The following CRPPA variants were observed in gnomAD, a reference collection of about 807,000 sequenced individuals.
CRPPA encodes CDP-L-ribitol pyrophosphorylase A, also known as D-ribitol-5-phosphate cytidylyltransferase.
A neutral mutation model predicts 52.0 loss-of-function variants in CRPPA; 43 were observed. That is an observed-to-expected ratio of 0.83 (90% CI 0.65 to 1.07). The LOEUF is 1.07. CRPPA is among the 50% of genes least tolerant of loss of function. The pLI is 0.00. For missense variants in CRPPA, 629 were observed against 551.7 expected, an observed-to-expected ratio of 1.14 and a Z score of -1.40; for synonymous variants, 250 against 203.5, an observed-to-expected ratio of 1.23 and a Z score of -1.94.
At chr7:16,245,328 T>C (rs998327340) in intron 8 of CRPPA, among the ~76,000 whole-genome samples, 3 of 152,246 alleles carry the variant, frequency 2.0e-5, no homozygotes, top group Admixed American at 6.5e-5. Context: ...ATATTTTCCA[T>C]ACATCTATTA....
intron 3 of CRPPA, among the ~76,000 whole-genome samples, chr7:16,333,884 C>G (rs1163020157): frequency 6.6e-6 from 1 of 152,118 alleles, no homozygotes; most frequent in Non-Finnish European, 1.5e-5. Flanking sequence ...ACTATACTAC[C>G]ACTGCCCCAA....
At chr7:16,214,998 T>C (rs1297613753) in intron 9 of CRPPA, among the ~76,000 whole-genome samples, 1 of 152,214 alleles carries the variant, frequency 6.6e-6, no homozygotes, top group African/African-American at 2.4e-5. Flanking sequence ...ACTGAGGTCA[T>C]GCTTGCATAT....
intron 9 of CRPPA, among the ~76,000 whole-genome samples, chr7:16,112,102 C>T (rs1429754657): frequency 6.6e-6 from 1 of 152,042 alleles, no homozygotes; most frequent in Admixed American, 6.6e-5. Flanking sequence ...ATTGCCTGAG[C>T]TCAGGGGTTT....
In CRPPA at chr7:16,362,809, G is replaced by T. The variant is rs372422850; in HGVS notation, c.684+13283C>A. 7.9e-5 allele frequency among the ~76,000 whole-genome samples: 12 copies of T among 152,186 alleles called. No homozygotes were observed. In the East Asian group the frequency reaches 2.3e-3, roughly 29 times the overall value. ...AAAGAATGATCTGCGCATTTAACTC[G>T]AGATATATTTATTTTACTCTTCCTT... is the stretch of plus-strand genomic sequence containing the variant. On this transcript the variant is annotated intron_variant, in intron 3 of 9. Coordinates refer to ENST00000407010, the MANE Select transcript of CRPPA (RefSeq NM_001101426.4).
intron 5 of CRPPA, among the ~76,000 whole-genome samples, chr7:16,286,898 T>C (rs1179289678): frequency 6.6e-6 from 1 of 152,130 alleles, no homozygotes; most frequent in African/African-American, 2.4e-5. Flanking sequence ...AAGAAATCTA[T>C]ATGTAATACA....
At chr7:16,389,685 T>C (rs1024517152) in intron 2 of CRPPA, among the ~76,000 whole-genome samples, 2 of 151,706 alleles carry the variant, frequency 1.3e-5, no homozygotes, top group Non-Finnish European at 2.9e-5. Flanking sequence ...CCCTTTATGA[T>C]CAAGAGTAAG....
chr7:16,147,144 C>T (rs573059451), intron 9 of CRPPA, among the ~76,000 whole-genome samples: 3 of 152,260 alleles, frequency 2.0e-5, no homozygotes, highest in Admixed American at 2.0e-4. Context: ...TCTTCCTTTG[C>T]CTTCCACTAT....
intron 9 of CRPPA, among the ~76,000 whole-genome samples, chr7:16,098,512 T>C (rs375404464): frequency 5.1e-4 from 78 of 152,280 alleles, no homozygotes; most frequent in African/African-American, 1.8e-3. Context: ...TTGGAGAACT[T>C]ATGCAAAAAT....
chr7:16,333,580 C>T (rs1785608576), intron 3 of CRPPA, among the ~76,000 whole-genome samples: 1 of 152,078 alleles, frequency 6.6e-6, no homozygotes, highest in Admixed American at 6.5e-5. Context: ...AAATTAAATG[C>T]ATGTATTAGA....
chr7:16,250,939 TAA>T (rs760368501), intron 8 of CRPPA, among the ~76,000 whole-genome samples: 1 of 151,806 alleles, frequency 6.6e-6, no homozygotes, highest in Non-Finnish European at 1.5e-5. Flanking sequence ...GCAAATTGGA[TAA>T]ACAGTCAAGA....
intron 3 of CRPPA, among the ~76,000 whole-genome samples, chr7:16,324,236 T>C (rs1304398335): frequency 1.3e-5 from 2 of 152,204 alleles, no homozygotes; most frequent in African/African-American, 4.8e-5. Flanking sequence ...AGCTAAGATG[T>C]GGTCCCCTAG....
At chr7:16,398,963 A>G (rs1464822417) in intron 2 of CRPPA, among the ~76,000 whole-genome samples, 1 of 152,238 alleles carries the variant, frequency 6.6e-6, no homozygotes, top group Non-Finnish European at 1.5e-5. Flanking sequence ...TCAACACGTG[A>G]CACCTGACCA....
chr7:16,196,810 C>G (rs1781746339), intron 9 of CRPPA, among the ~76,000 whole-genome samples: 1 of 152,020 alleles, frequency 6.6e-6, no homozygotes, highest in Non-Finnish European at 1.5e-5. Flanking sequence ...TTCATTTTTC[C>G]CTAAATAACC....
At chr7:16,126,315 T>C (rs1782580316) in intron 9 of CRPPA, among the ~76,000 whole-genome samples, 1 of 152,162 alleles carries the variant, frequency 6.6e-6, no homozygotes. Flanking sequence ...CTTAGGTTTC[T>C]GGGAAATCCT....
At chr7:16,232,572 A>C (rs959277394) in intron 8 of CRPPA, among the ~76,000 whole-genome samples, 3 of 152,074 alleles carry the variant, frequency 2.0e-5, no homozygotes, top group Non-Finnish European at 4.4e-5. Context: ...TGTTATTCTA[A>C]CACCAGAAAA....
chr7:16,217,036 T>C (rs1782344831), intron 8 of CRPPA, among the ~76,000 whole-genome samples: 1 of 151,504 alleles, frequency 6.6e-6, no homozygotes, highest in Non-Finnish European at 1.5e-5. Context: ...GACTTAAATG[T>C]CCCTGTCTGA....
intron 8 of CRPPA, among the ~76,000 whole-genome samples, chr7:16,224,510 G>A (rs532574658): frequency 2.6e-5 from 4 of 152,190 alleles, no homozygotes; most frequent in Admixed American, 6.5e-5. Flanking sequence ...ATAATGCACT[G>A]CTTAATGCCC....
chr7:16,290,141 G>A (rs1379648740), intron 5 of CRPPA, among the ~76,000 whole-genome samples: 2 of 151,930 alleles, frequency 1.3e-5, no homozygotes, highest in Non-Finnish European at 2.9e-5. Flanking sequence ...GCTAATGAAA[G>A]AAACTGAAGA....
At chr7:16,297,167 G>A (rs79586973) in intron 5 of CRPPA, among the ~76,000 whole-genome samples, 116 of 152,198 alleles carry the variant, frequency 7.6e-4, no homozygotes, top group African/African-American at 2.5e-3. Flanking sequence ...CTTACCAACC[G>A]TGTGACCCAG....
Sources: allele counts gnomAD v4.1 joint callset (sites outside exome capture counted in the v4.1 genomes callset), GRCh38; gene constraint gnomAD v4.1.1; transcripts MANE v1.5; gene names NCBI Gene and HGNC (gene_info 2026-07-23, HGNC 2026-07-21).